The following TSHZ2 variants were observed in gnomAD, a reference collection of about 807,000 sequenced individuals.
The protein encoded by TSHZ2 is teashirt zinc finger homeobox 2.
Under a neutral mutation model 74.4 loss-of-function variants are expected in TSHZ2, and 21 were observed. That is an observed-to-expected ratio of 0.28 (90% CI 0.20 to 0.41). The LOEUF (loss-of-function observed/expected upper bound fraction) is 0.41. Among genes scored for constraint, TSHZ2 ranks in the 10% least tolerant of loss-of-function variants. TSHZ2 has a pLI of 1.00. For missense variants in TSHZ2, 1,244 were observed against 1,293.5 expected, an observed-to-expected ratio of 0.96 and a Z score of 0.59; for synonymous variants, 540 against 515.3, an observed-to-expected ratio of 1.05 and a Z score of -0.65.
intron 2 of TSHZ2, among the ~76,000 whole-genome samples, chr20:53,333,480 G>T (rs1316741717): frequency 1.3e-5 from 2 of 150,896 alleles, no homozygotes; most frequent in Non-Finnish European, 3.0e-5. Context: ...TTTTTAGATG[G>T]AGTCTCGCTC....
intron 1 of TSHZ2, 139 bp from the exon 2 acceptor site, chr20:53,253,360 G>T: frequency 3.3e-6 from 4 of 1,205,852 alleles, no homozygotes; most frequent in Non-Finnish European, 4.3e-6. Context: ...CTTTTCCTGT[G>T]TCCACTGCTC....
At chr20:53,133,081 C>T (rs144583474) in intron 1 of TSHZ2, among the ~76,000 whole-genome samples, 42 of 152,206 alleles carry the variant, frequency 2.8e-4, no homozygotes, top group African/African-American at 8.9e-4. Flanking sequence ...CTTTCCTGAC[C>T]TTCTTTTTCC....
In TSHZ2 at chr20:53,488,923, T is replaced by A; in HGVS notation, c.*1788T>A. ...ATAGCAAATTGCTTTTTTTATGGCA[T>A]GCATAACCTAGATGGGAAAAAATAT... On this transcript the variant is annotated 3_prime_UTR_variant, in exon 3 of 3. Transcript: ENST00000371497. 2.2e-6 allele frequency: 1 copy of A among 449,836 alleles called. No homozygotes were observed. The allele number at this position is 449,836 out of a possible 1,614,324, so 27.9% of individuals were successfully genotyped here.
intron 2 of TSHZ2, among the ~76,000 whole-genome samples, chr20:53,412,238 T>G (rs1343851557): frequency 6.6e-6 from 1 of 152,190 alleles, no homozygotes. Flanking sequence ...TCGATTCTTC[T>G]CTATGGCTGC....
At chr20:53,432,159 A>C (rs1983868391) in intron 2 of TSHZ2, among the ~76,000 whole-genome samples, 2 of 152,146 alleles carry the variant, frequency 1.3e-5, no homozygotes, top group Admixed American at 1.3e-4. Flanking sequence ...AGTGTTCATT[A>C]CACCATTCTG....
intron 1 of TSHZ2, among the ~76,000 whole-genome samples, chr20:53,067,087 T>G (rs1186117232): frequency 6.6e-6 from 1 of 152,230 alleles, no homozygotes; most frequent in Non-Finnish European, 1.5e-5. Flanking sequence ...ATAATCTATG[T>G]GGTTGGATGA....
At chr20:53,021,041 G>A (rs184338387) in intron 1 of TSHZ2, among the ~76,000 whole-genome samples, 2 of 151,934 alleles carry the variant, frequency 1.3e-5, no homozygotes, top group Non-Finnish European at 2.9e-5. Context: ...TGGACAGAGG[G>A]AGCTCTACAC....
intron 1 of TSHZ2, among the ~76,000 whole-genome samples, chr20:53,082,996 T>C (rs1209344477): frequency 6.6e-6 from 1 of 151,998 alleles, no homozygotes; most frequent in African/African-American, 2.4e-5. Flanking sequence ...TCAGAAAGAG[T>C]CCTCAGCAGA....
chr20:53,373,550 A>C (rs975926614), intron 2 of TSHZ2, among the ~76,000 whole-genome samples: 2 of 152,212 alleles, frequency 1.3e-5, no homozygotes, highest in Admixed American at 6.5e-5. Flanking sequence ...AAATGGGGAA[A>C]TCAGTGAGGA....
intron 2 of TSHZ2, among the ~76,000 whole-genome samples, chr20:53,460,250 T>C (rs2145809287): frequency 6.6e-6 from 1 of 152,196 alleles, no homozygotes; most frequent in South Asian, 2.1e-4. Context: ...GAGGCTGTGC[T>C]CATTTCTTTT....
chr20:53,236,490 C>T (rs183627861), intron 1 of TSHZ2, among the ~76,000 whole-genome samples: 2 of 152,348 alleles, frequency 1.3e-5, no homozygotes, highest in Admixed American at 6.5e-5. Flanking sequence ...ACACGTGCCT[C>T]CACTATACAC....
intron 1 of TSHZ2, among the ~76,000 whole-genome samples, chr20:53,006,237 A>G (rs552821808): frequency 6.6e-6 from 1 of 152,360 alleles, no homozygotes; most frequent in South Asian, 2.1e-4. Flanking sequence ...TTGCATCCCT[A>G]CTGAAAAATC....
intron 1 of TSHZ2, among the ~76,000 whole-genome samples, chr20:53,001,255 T>TATGTGTGTGTGTGTGTG (rs1982430603): frequency 8.3e-6 from 1 of 120,100 alleles, no homozygotes; most frequent in Non-Finnish European, 1.8e-5. Flanking sequence ...TGTGTGTGTG[T>TATGTGTGTGTGTGTGTG]TTGGGAGGGG....
At chr20:53,464,880 C>T (rs921959789) in intron 2 of TSHZ2, among the ~76,000 whole-genome samples, 1 of 152,228 alleles carries the variant, frequency 6.6e-6, no homozygotes, top group African/African-American at 2.4e-5. Flanking sequence ...GATCCTCCTG[C>T]CTCAGCCTTG....
At chr20:53,301,302 C>T (rs960527737) in intron 2 of TSHZ2, among the ~76,000 whole-genome samples, 2 of 152,178 alleles carry the variant, frequency 1.3e-5, no homozygotes, top group African/African-American at 4.8e-5. Context: ...ATGTTAGTAA[C>T]AAAGTGAGGT....
intron 2 of TSHZ2, among the ~76,000 whole-genome samples, chr20:53,320,072 C>T (rs1365794569): frequency 1.3e-5 from 2 of 152,164 alleles, no homozygotes; most frequent in Non-Finnish European, 2.9e-5. Flanking sequence ...CTATGCACTA[C>T]CATCATCATC....
chr20:53,388,369 G>C (rs561084354), intron 2 of TSHZ2, among the ~76,000 whole-genome samples: 1 of 152,126 alleles, frequency 6.6e-6, no homozygotes, highest in African/African-American at 2.4e-5. Flanking sequence ...TGGGCTTTGG[G>C]GGTATAAAAA....
intron 1 of TSHZ2, among the ~76,000 whole-genome samples, chr20:53,020,704 G>A (rs984184736): frequency 3.3e-5 from 5 of 152,234 alleles, no homozygotes; most frequent in African/African-American, 1.2e-4. Context: ...CTGTGAAACT[G>A]AATAGCCAAA....
chr20:53,150,748 A>G (rs1987658020), intron 1 of TSHZ2, among the ~76,000 whole-genome samples: 1 of 152,120 alleles, frequency 6.6e-6, no homozygotes, highest in African/African-American at 2.4e-5. Flanking sequence ...GAAGAAAGGA[A>G]GGAAGGAGAA....
Sources: allele counts gnomAD v4.1 joint callset (sites outside exome capture counted in the v4.1 genomes callset), GRCh38; gene constraint gnomAD v4.1.1; transcripts MANE v1.5; gene names NCBI Gene and HGNC (gene_info 2026-07-23, HGNC 2026-07-21).